RGS7: variants seen among roughly 807,000 people sequenced by gnomAD.
RGS7 encodes the protein regulator of G protein signaling 7.
RGS7 carries 27 observed loss-of-function variants against 81.1 expected under a neutral mutation model. The ratio of observed to expected loss-of-function variants is 0.33; its 90% CI spans 0.25 to 0.46. The LOEUF is 0.46. RGS7 is among the 20% of genes least tolerant of loss of function. The probability of loss-of-function intolerance (pLI) is 1.00; values close to 1 mark genes in which losing one functional copy is unlikely to be tolerated. For synonymous variants in RGS7, 208 were observed against 207.7 expected, an observed-to-expected ratio of 1.00 and a Z score of -0.01; for missense variants, 396 against 607.4, an observed-to-expected ratio of 0.65 and a Z score of 3.66.
chr1:241,237,304 T>G (rs958386991), intron 2 of RGS7, among the ~76,000 whole-genome samples: 2 of 152,126 alleles, frequency 1.3e-5, no homozygotes, highest in African/African-American at 4.8e-5. Flanking sequence ...AAATGTAGGG[T>G]CTCAGCTCAC....
chr1:241,290,658 C>T (rs1225919511), intron 2 of RGS7, among the ~76,000 whole-genome samples: 4 of 152,138 alleles, frequency 2.6e-5, no homozygotes, highest in Admixed American at 6.5e-5. Flanking sequence ...GCAGAGAGAT[C>T]AGGTGGAAGT....
chr1:240,827,547 T>C (rs1431126520), intron 9 of RGS7, among the ~76,000 whole-genome samples: 2 of 152,100 alleles, frequency 1.3e-5, no homozygotes, highest in Non-Finnish European at 2.9e-5. Flanking sequence ...AGACAGCCTC[T>C]CGCAGAGATC....
chr1:240,922,178 AAAAT>A (rs1275293277), intron 6 of RGS7, among the ~76,000 whole-genome samples: 1 of 152,104 alleles, frequency 6.6e-6, no homozygotes. Flanking sequence ...ACATGCAAAA[AAAAT>A]AAATATAGAC....
In RGS7 at chr1:241,031,802, T is replaced by C. The variant is rs573754653; in HGVS notation, c.176-48673A>G. Among the ~76,000 whole-genome samples the C allele has an allele frequency of 1.3e-4, 20 of 152,154 alleles. 1 individual carries two copies. The highest frequency in any genetic ancestry group is 2.1e-4 in the Non-Finnish European group (14 of 68,016). ...TTGAAAAATGTCTGTTTGTGCCCTCTGCCCACTTTTTAATGGGGTTATTTG... is the reference window on the plus strand; with the variant it reads ...TTGAAAAATGTCTGTTTGTGCCCTCCGCCCACTTTTTAATGGGGTTATTTG... On this transcript the variant is annotated intron_variant, in intron 3 of 18. Coordinates refer to ENST00000440928, the MANE Select transcript of RGS7 (RefSeq NM_001364886.1).
At chr1:240,891,943 C>T (rs1668353079) in intron 6 of RGS7, among the ~76,000 whole-genome samples, 1 of 152,180 alleles carries the variant, frequency 6.6e-6, no homozygotes. Flanking sequence ...CTAGAAGTGA[C>T]AGAGCCAGGG....
At chr1:241,041,782 A>G (rs1173321857) in intron 3 of RGS7, among the ~76,000 whole-genome samples, 2 of 145,218 alleles carry the variant, frequency 1.4e-5, no homozygotes, top group East Asian at 3.9e-4. Flanking sequence ...ACCCAGGCTC[A>G]GGGTTTTAAC....
intron 6 of RGS7, among the ~76,000 whole-genome samples, chr1:240,901,067 C>A (rs1669925087): frequency 6.6e-6 from 1 of 152,204 alleles, no homozygotes; most frequent in African/African-American, 2.4e-5. Context: ...GTGAGCGAGG[C>A]TCCGTGGGTG....
At chr1:240,932,907 A>ACG (rs1558486359) in intron 5 of RGS7, among the ~76,000 whole-genome samples, 7 of 102,376 alleles carry the variant, frequency 6.8e-5, no homozygotes, top group African/African-American at 2.7e-4. Context: ...TTTTTGAGAC[A>ACG]GAGTCTCGCT....
chr1:241,092,509 T>C (rs1049438936), intron 3 of RGS7, among the ~76,000 whole-genome samples: 13 of 152,204 alleles, frequency 8.5e-5, no homozygotes, highest in South Asian at 2.1e-4. Context: ...GACTTATGGA[T>C]TTCATTTACA....
intron 2 of RGS7, among the ~76,000 whole-genome samples, chr1:241,350,872 A>G (rs1391511384): frequency 6.6e-6 from 1 of 152,120 alleles, no homozygotes; most frequent in African/African-American, 2.4e-5. Context: ...GAGTTAATGT[A>G]GAATATGTCA....
At chr1:241,251,958 G>A (rs1037548640) in intron 2 of RGS7, among the ~76,000 whole-genome samples, 7 of 152,118 alleles carry the variant, frequency 4.6e-5, no homozygotes, top group Non-Finnish European at 7.4e-5. Context: ...TGGTGGGGCT[G>A]CGGAGCCTCG....
chr1:240,927,149 C>T (rs1674591090), intron 6 of RGS7, among the ~76,000 whole-genome samples: 2 of 152,124 alleles, frequency 1.3e-5, no homozygotes, highest in Non-Finnish European at 2.9e-5. Flanking sequence ...TCACTGCAAC[C>T]TCTGCCTCCC....
At chr1:241,005,338 G>C (rs2058630243) in intron 3 of RGS7, among the ~76,000 whole-genome samples, 1 of 152,144 alleles carries the variant, frequency 6.6e-6, no homozygotes, top group Non-Finnish European at 1.5e-5. Flanking sequence ...TCTGACAAAT[G>C]TATGCACCAC....
chr1:241,017,648 C>T (rs527791193), intron 3 of RGS7, among the ~76,000 whole-genome samples: 1 of 152,134 alleles, frequency 6.6e-6, no homozygotes, highest in Non-Finnish European at 1.5e-5. Context: ...TTCTTGATTG[C>T]ATAGTTTCTG....
chr1:240,863,396 A>C (rs1264867799), intron 9 of RGS7, among the ~76,000 whole-genome samples: 1 of 152,058 alleles, frequency 6.6e-6, no homozygotes, highest in Non-Finnish European at 1.5e-5. Flanking sequence ...AATTGCTTGA[A>C]CCGGGGAGGT....
chr1:240,893,755 T>C (rs1668622932), intron 6 of RGS7, among the ~76,000 whole-genome samples: 1 of 152,212 alleles, frequency 6.6e-6, no homozygotes. Flanking sequence ...TCCTTGAAAT[T>C]TTTAATTATT....
chr1:241,198,482 T>A (rs1396545123), intron 2 of RGS7, among the ~76,000 whole-genome samples: 8 of 151,996 alleles, frequency 5.3e-5, no homozygotes, highest in Admixed American at 5.2e-4. Context: ...AAAAAATCCA[T>A]AATGAACAAT....
intron 2 of RGS7, among the ~76,000 whole-genome samples, chr1:241,208,055 G>A (rs576752380): frequency 1.4e-4 from 21 of 152,206 alleles, no homozygotes; most frequent in Middle Eastern, 3.4e-3. Context: ...ACAGGCGCCC[G>A]CCACTGTGCC....
chr1:241,295,561 C>T (rs372555465), intron 2 of RGS7, among the ~76,000 whole-genome samples: 5 of 152,074 alleles, frequency 3.3e-5, no homozygotes, highest in African/African-American at 9.7e-5. Flanking sequence ...AAAGACAAGT[C>T]GGTAAGAAAA....
Sources: allele counts gnomAD v4.1 joint callset (sites outside exome capture counted in the v4.1 genomes callset), GRCh38; gene constraint gnomAD v4.1.1; transcripts MANE v1.5; gene names NCBI Gene and HGNC (gene_info 2026-07-23, HGNC 2026-07-21).